ADGRB3: variants seen among roughly 807,000 people sequenced by gnomAD.
The protein encoded by ADGRB3 is brain-specific angiogenesis inhibitor 3.
A neutral mutation model predicts 193.4 loss-of-function variants in ADGRB3; 37 were observed. The ratio of observed to expected loss-of-function variants is 0.19; its 90% CI spans 0.15 to 0.25. ADGRB3 has a LOEUF of 0.25. Ranked by LOEUF, ADGRB3 falls within the 10% of genes least tolerant of loss-of-function variation. The pLI is 1.00. For synonymous variants in ADGRB3, 690 were observed against 644.2 expected (o/e 1.07, Z -1.08); for missense variants, 1,637 against 1,852.9 (o/e 0.88, Z 2.14).
At chr6:69,262,988 G>A (rs1325204592) in intron 20 of ADGRB3, among the ~76,000 whole-genome samples, 3 of 151,884 alleles carry the variant, frequency 2.0e-5, no homozygotes, top group Non-Finnish European at 2.9e-5. Context: ...CCGCAAAAAG[G>A]AACCATTTTA....
At chr6:69,217,537 C>G (rs1765793645) in intron 17 of ADGRB3, among the ~76,000 whole-genome samples, 1 of 152,066 alleles carries the variant, frequency 6.6e-6, no homozygotes, top group Non-Finnish European at 1.5e-5. Flanking sequence ...AGTAAGGCTG[C>G]GTGATATAGC....
intron 26 of ADGRB3, among the ~76,000 whole-genome samples, chr6:69,341,688 A>C (rs1768976049): frequency 6.6e-6 from 1 of 152,174 alleles, no homozygotes; most frequent in Admixed American, 6.6e-5. Flanking sequence ...AATTTAGCTT[A>C]TGTTCTCCAA....
At chr6:68,954,140 A>T (rs191998924) in intron 6 of ADGRB3, among the ~76,000 whole-genome samples, 81 of 152,302 alleles carry the variant, frequency 5.3e-4, no homozygotes, top group African/African-American at 1.9e-3. Flanking sequence ...TATTATAATT[A>T]CATCCCCAGT....
chr6:68,670,144 G>C, intron 3 of ADGRB3, among the ~76,000 whole-genome samples: 1 of 151,806 alleles, frequency 6.6e-6, no homozygotes, highest in Non-Finnish European at 1.5e-5. Flanking sequence ...ATAGTTGTTT[G>C]AGTTCCTTAT....
At chr6:69,377,759 T>C (rs1260681182) in intron 30 of ADGRB3, among the ~76,000 whole-genome samples, 2 of 152,118 alleles carry the variant, frequency 1.3e-5, no homozygotes, top group African/African-American at 4.8e-5. Context: ...TAATTCAGAC[T>C]TAAGCATCAA....
intron 17 of ADGRB3, among the ~76,000 whole-genome samples, chr6:69,114,044 G>A (rs910413317): frequency 2.1e-4 from 32 of 152,136 alleles, no homozygotes; most frequent in African/African-American, 7.7e-4. Context: ...ATGAGATTCT[G>A]GGAGGGCAAA....
chr6:69,031,037 CTCTCT>C (rs749578717), intron 13 of ADGRB3, among the ~76,000 whole-genome samples: 1,846 of 36,252 alleles, frequency 0.051, 76 homozygotes, highest in Middle Eastern at 0.086. Context: ...CTCTTCTCTT[CTCTCT>C]TCTCTTCTCT....
intron 3 of ADGRB3, among the ~76,000 whole-genome samples, chr6:68,649,900 C>T (rs941866319): frequency 4.6e-5 from 7 of 152,162 alleles, no homozygotes; most frequent in East Asian, 1.9e-4. Flanking sequence ...CTGGTGACCA[C>T]GCGCCTTACT....
intron 3 of ADGRB3, among the ~76,000 whole-genome samples, chr6:68,858,782 A>T (rs1012415252): frequency 4.6e-5 from 7 of 152,122 alleles, no homozygotes; most frequent in African/African-American, 1.7e-4. Context: ...GACACAGGGC[A>T]TCAAGTCCCT....
intron 3 of ADGRB3, among the ~76,000 whole-genome samples, chr6:68,686,419 G>T (rs1467634419): frequency 6.6e-6 from 1 of 152,036 alleles, no homozygotes; most frequent in Non-Finnish European, 1.5e-5. Flanking sequence ...CCTCTTGGTG[G>T]CCATTGCTTT....
chr6:69,049,886 C>A (rs533594681), intron 15 of ADGRB3, among the ~76,000 whole-genome samples: 1 of 152,102 alleles, frequency 6.6e-6, no homozygotes, highest in Non-Finnish European at 1.5e-5. Context: ...TCTTTCCTCC[C>A]AGATATTAAA....
chr6:68,748,735 G>C (rs1404919819), intron 3 of ADGRB3, among the ~76,000 whole-genome samples: 1 of 152,180 alleles, frequency 6.6e-6, no homozygotes, highest in African/African-American at 2.4e-5. Flanking sequence ...CAGTGCCCCA[G>C]TAGGGCCTCT....
At chr6:69,043,321 A>AAAGGAAGGAAGG (rs1491381704) in intron 13 of ADGRB3, among the ~76,000 whole-genome samples, 2 of 51,928 alleles carry the variant, frequency 3.9e-5, no homozygotes, top group African/African-American at 1.6e-4. Context: ...AGAAAGAAAG[A>AAAGGAAGGAAGG]AAGAAAGAAA....
chr6:68,991,784 G>C (rs1420283617), intron 10 of ADGRB3, among the ~76,000 whole-genome samples: 2 of 152,072 alleles, frequency 1.3e-5, no homozygotes, highest in Non-Finnish European at 2.9e-5. Flanking sequence ...AGGCTTGTGT[G>C]GGTTGAATTG....
chr6:69,086,810 TA>T (rs1772563815), intron 17 of ADGRB3, among the ~76,000 whole-genome samples: 1 of 152,174 alleles, frequency 6.6e-6, no homozygotes, highest in Non-Finnish European at 1.5e-5. Context: ...ATTATTAGTT[TA>T]ATGTGTATCT....
At chr6:69,049,226 T>G (rs1475025940) in intron 14 of ADGRB3, 45 bp from the exon 15 acceptor site, 2 of 1,371,038 alleles carry the variant, frequency 1.5e-6, no homozygotes, top group Non-Finnish European at 2.1e-6. Flanking sequence ...TAAGACATAG[T>G]ATTTTCTTGC....
At chr6:68,942,438 A>G (rs1267329970) in intron 5 of ADGRB3, among the ~76,000 whole-genome samples, 1 of 152,164 alleles carries the variant, frequency 6.6e-6, no homozygotes, top group Non-Finnish European at 1.5e-5. Context: ...TTCTAAGAGT[A>G]TAGCAAGACT....
At chr6:68,649,454 A>G (rs1178411898) in intron 3 of ADGRB3, among the ~76,000 whole-genome samples, 1 of 152,180 alleles carries the variant, frequency 6.6e-6, no homozygotes, top group African/African-American at 2.4e-5. Flanking sequence ...ACATTGTCTG[A>G]TTGACATACT....
chr6:68,878,757 C>T (rs1327397503), intron 3 of ADGRB3, among the ~76,000 whole-genome samples: 1 of 152,132 alleles, frequency 6.6e-6, no homozygotes, highest in Non-Finnish European at 1.5e-5. Flanking sequence ...ATACCTGAGA[C>T]TGGGCAATTT....
Sources: gnomAD v4.1 joint callset for allele counts (sites outside exome capture counted in the v4.1 genomes callset) on GRCh38, gnomAD v4.1.1 for gene constraint, MANE v1.5 for transcripts, NCBI Gene and HGNC (gene_info 2026-07-23, HGNC 2026-07-21) for gene names.